Variants in SDK1 observed in about 807,000 individuals in gnomAD.
The protein encoded by SDK1 is sidekick cell adhesion molecule 1.
SDK1 carries 157 observed loss-of-function variants against 245.5 expected under a neutral mutation model. The ratio of observed to expected loss-of-function variants is 0.64; its 90% confidence interval spans 0.56 to 0.73. The LOEUF is 0.73. SDK1 is among the 30% of genes least tolerant of loss of function. SDK1 has a pLI of 0.00. For synonymous variants in SDK1, 1,647 were observed against 1,278.5 expected, an observed-to-expected ratio of 1.29 and a Z score of -6.15; for missense variants, 3,583 against 3,002.3, an observed-to-expected ratio of 1.19 and a Z score of -4.52.
At chr7:3,838,939 G>A (rs1174158233) in intron 5 of SDK1, among the ~76,000 whole-genome samples, 3 of 152,098 alleles carry the variant, frequency 2.0e-5, no homozygotes, top group African/African-American at 4.8e-5. Context: ...CTATCTGCTC[G>A]GGCCCTGAAG....
At chr7:3,890,100 T>A (rs1781424321) in intron 5 of SDK1, among the ~76,000 whole-genome samples, 1 of 152,180 alleles carries the variant, frequency 6.6e-6, no homozygotes, top group African/African-American at 2.4e-5. Context: ...ACAGATGGAT[T>A]TCAGACATGG....
At chr7:3,783,334 C>T (rs1780803990) in intron 4 of SDK1, among the ~76,000 whole-genome samples, 1 of 152,028 alleles carries the variant, frequency 6.6e-6, no homozygotes. Flanking sequence ...TTATATTTAA[C>T]ATAGCATTGG....
chr7:3,673,036 A>G (rs1783770000), intron 4 of SDK1, among the ~76,000 whole-genome samples: 1 of 151,856 alleles, frequency 6.6e-6, no homozygotes, highest in African/African-American at 2.4e-5. Flanking sequence ...GCTATGAAGC[A>G]GCTCTTGCTG....
intron 2 of SDK1, among the ~76,000 whole-genome samples, chr7:3,638,425 A>C (rs984615476): frequency 1.3e-5 from 2 of 151,970 alleles, no homozygotes; most frequent in Admixed American, 6.6e-5. Context: ...AAAATGTGGC[A>C]CATATACACC....
At position 3,391,508 on chromosome 7, in the gene SDK1, A is replaced by T. The variant is rs552023655; in HGVS notation, c.298+89624A>T. Among the ~76,000 whole-genome samples, 8 of 152,224 alleles carry T rather than the reference A, an allele frequency of 5.3e-5. No homozygotes were observed. The South Asian group carries it at 1.5e-3, about 28-fold the overall frequency. ...TACGTTTTCTGTTGTAGAATAAAAA[A>T]TTTCTTTCCACAAAGGAATTATTAT... On this transcript the variant is annotated intron_variant, in intron 1 of 44. Coordinates refer to ENST00000404826, the MANE Select transcript of SDK1 (RefSeq NM_152744.4).
At chr7:3,408,840 A>G (rs1454692806) in intron 1 of SDK1, among the ~76,000 whole-genome samples, 1 of 152,238 alleles carries the variant, frequency 6.6e-6, no homozygotes, top group Non-Finnish European at 1.5e-5. Flanking sequence ...ATAATGCATT[A>G]TAAAATAGCA....
chr7:4,020,351 C>T lies in SDK1; in HGVS notation c.2602+2999C>T, dbSNP rs140829851. Among the ~76,000 whole-genome samples the T allele has an allele frequency of 5.4e-3, 827 of 152,242 alleles. 11 individuals are homozygous for T. Among genetic ancestry groups the T allele is most frequent in the African/African-American group, 0.019 (792 of 41,546 alleles). ...CCTCAGTGTAGTCAAATGCACTTAT[C>T]CCTCTGTGCTATTCAAGGACCTCCC... On this transcript the variant is annotated intron_variant, in intron 17 of 44. Coordinates refer to ENST00000404826, the MANE Select transcript of SDK1 (RefSeq NM_152744.4).
At chr7:3,392,835 A>G (rs185524603) in intron 1 of SDK1, among the ~76,000 whole-genome samples, 242 of 152,078 alleles carry the variant, frequency 1.6e-3, no homozygotes, top group African/African-American at 5.5e-3. Context: ...GTGTATGCGT[A>G]TATCGCATTT....
At chr7:3,617,765 C>A (rs1781814111) in intron 1 of SDK1, among the ~76,000 whole-genome samples, 1 of 152,184 alleles carries the variant, frequency 6.6e-6, no homozygotes, top group Non-Finnish European at 1.5e-5. Flanking sequence ...CAGCATTAAT[C>A]CATTCCTGAA....
At chr7:3,948,613 C>T (rs957540828) in intron 5 of SDK1, among the ~76,000 whole-genome samples, 3 of 152,200 alleles carry the variant, frequency 2.0e-5, no homozygotes, top group African/African-American at 4.8e-5. Flanking sequence ...AGGGCTTCCT[C>T]CTCCTGTGGT....
At chr7:3,866,983 C>G (rs1160577507) in intron 5 of SDK1, among the ~76,000 whole-genome samples, 1 of 152,168 alleles carries the variant, frequency 6.6e-6, no homozygotes. Context: ...CTCTGCCATC[C>G]TCTGTCCTTC....
chr7:4,051,031 T>C (rs1231510966), intron 18 of SDK1, among the ~76,000 whole-genome samples: 1 of 141,722 alleles, frequency 7.1e-6, no homozygotes, highest in Non-Finnish European at 1.5e-5. Flanking sequence ...GTATATGTTA[T>C]GTATGTTATA....
intron 1 of SDK1, among the ~76,000 whole-genome samples, chr7:3,565,454 A>C (rs936447783): frequency 6.6e-6 from 1 of 152,222 alleles, no homozygotes; most frequent in African/African-American, 2.4e-5. Flanking sequence ...AGTGCTATCC[A>C]GGAAGTAAAG....
intron 22 of SDK1, among the ~76,000 whole-genome samples, chr7:4,091,801 A>C (rs1781820423): frequency 6.6e-6 from 1 of 151,908 alleles, no homozygotes; most frequent in Non-Finnish European, 1.5e-5. Flanking sequence ...ACCAGCCAAC[A>C]CCTTTACAGC....
chr7:3,306,940 TAAAG>T (rs1779431366), intron 1 of SDK1, among the ~76,000 whole-genome samples: 1 of 152,074 alleles, frequency 6.6e-6, no homozygotes, highest in African/African-American at 2.4e-5. Context: ...CTCTAAGAAG[TAAAG>T]AAAGTGGTAG....
chr7:3,567,547 A>T (rs916097803), intron 1 of SDK1, among the ~76,000 whole-genome samples: 39 of 152,346 alleles, frequency 2.6e-4, no homozygotes, highest in Middle Eastern at 3.4e-3. Context: ...AAAAAGGTAA[A>T]TGAGGTACAT....
chr7:3,685,981 T>C (rs1261084025), intron 4 of SDK1, among the ~76,000 whole-genome samples: 2 of 152,148 alleles, frequency 1.3e-5, no homozygotes, highest in Admixed American at 1.3e-4. Flanking sequence ...AAAAATGACC[T>C]AATAATATAC....
intron 35 of SDK1, among the ~76,000 whole-genome samples, chr7:4,188,577 A>G (rs1783017882): frequency 6.6e-6 from 1 of 151,944 alleles, no homozygotes; most frequent in African/African-American, 2.4e-5. Flanking sequence ...AAACCTCCAT[A>G]TCTGAGGCAT....
intron 4 of SDK1, among the ~76,000 whole-genome samples, chr7:3,799,443 G>C (rs139602808): frequency 6.6e-5 from 10 of 151,760 alleles, no homozygotes; most frequent in Non-Finnish European, 1.2e-4. Context: ...AGTGGCTCAC[G>C]TCTGTAATCC....
Sources: gnomAD v4.1 joint callset for allele counts (sites outside exome capture counted in the v4.1 genomes callset) on GRCh38, gnomAD v4.1.1 for gene constraint, MANE v1.5 for transcripts, NCBI Gene and HGNC (gene_info 2026-07-23, HGNC 2026-07-21) for gene names.